PDE10A: variants seen among roughly 807,000 people sequenced by gnomAD.
PDE10A encodes phosphodiesterase 10A.
Under a neutral mutation model 97.7 loss-of-function variants are expected in PDE10A, and 39 were observed. The ratio of observed to expected loss-of-function variants is 0.40; its 90% CI spans 0.31 to 0.52. The LOEUF (loss-of-function observed/expected upper bound fraction) is 0.52, where lower values mean the gene tolerates loss of function less well. PDE10A is among the 20% of genes least tolerant of loss of function. PDE10A has a pLI of 0.56. For synonymous variants in PDE10A, 371 were observed against 376.8 expected (o/e 0.98, Z 0.18); for missense variants, 731 against 1,047.8 (o/e 0.70, Z 4.17).
intron 1 of PDE10A, among the ~76,000 whole-genome samples, chr6:165,845,649 C>T (rs985152652): frequency 6.6e-6 from 1 of 152,150 alleles, no homozygotes; most frequent in East Asian, 1.9e-4. Flanking sequence ...AAGCATAAAG[C>T]TTGCTTGTGG....
At chr6:165,435,475 CA>C in intron 5 of PDE10A, 98 bp from the exon 6 acceptor site, 1 of 1,020,586 alleles carries the variant, frequency 9.8e-7, no homozygotes, top group Non-Finnish European at 1.4e-6. Flanking sequence ...ATCTGTGAGC[CA>C]ATTAAAAGAA....
intron 1 of PDE10A, among the ~76,000 whole-genome samples, chr6:165,644,578 T>C (rs1016003198): frequency 4.6e-5 from 7 of 152,108 alleles, no homozygotes; most frequent in Non-Finnish European, 1.0e-4. Context: ...ATGTGTAGGA[T>C]CTCTTGAAAT....
chr6:165,603,266 C>T (rs1363621338), intron 1 of PDE10A, among the ~76,000 whole-genome samples: 1 of 152,176 alleles, frequency 6.6e-6, no homozygotes, highest in East Asian at 1.9e-4. Flanking sequence ...GAGACGTCTG[C>T]AGTTGTATCC....
intron 1 of PDE10A, among the ~76,000 whole-genome samples, chr6:165,892,549 C>T (rs1781833235): frequency 6.6e-6 from 1 of 152,194 alleles, no homozygotes; most frequent in African/African-American, 2.4e-5. Context: ...GCAGCCTCCC[C>T]AAGGCATGGG....
At chr6:165,403,157 T>C (rs1786805251) in intron 13 of PDE10A, among the ~76,000 whole-genome samples, 1 of 152,198 alleles carries the variant, frequency 6.6e-6, no homozygotes, top group Non-Finnish European at 1.5e-5. Flanking sequence ...GGAAAAGCAC[T>C]GGCCAGTGAC....
At chr6:165,645,545 T>A (rs1446033321) in intron 1 of PDE10A, among the ~76,000 whole-genome samples, 2 of 152,070 alleles carry the variant, frequency 1.3e-5, no homozygotes, top group Non-Finnish European at 2.9e-5. Flanking sequence ...AGTTGTTGAC[T>A]GAGATCTCCT....
chr6:165,815,641 T>A (rs941932707), intron 1 of PDE10A, among the ~76,000 whole-genome samples: 2 of 152,048 alleles, frequency 1.3e-5, no homozygotes, highest in African/African-American at 4.8e-5. Flanking sequence ...GGTGCTGAGG[T>A]CCTAGCAGTG....
At chr6:165,729,469 AAAT>A (rs979501603) in intron 1 of PDE10A, among the ~76,000 whole-genome samples, 2 of 152,200 alleles carry the variant, frequency 1.3e-5, no homozygotes, top group Non-Finnish European at 2.9e-5. Context: ...GACAGCAGTG[AAAT>A]AATAAATAAG....
chr6:165,372,568 G>T (rs558394118), intron 18 of PDE10A, among the ~76,000 whole-genome samples: 2 of 150,396 alleles, frequency 1.3e-5, no homozygotes, highest in East Asian at 3.9e-4. Context: ...ACTGCTCAAT[G>T]AAATAAAAGA....
chr6:165,564,962 T>G (rs1227431621), intron 1 of PDE10A, among the ~76,000 whole-genome samples: 1 of 152,138 alleles, frequency 6.6e-6, no homozygotes, highest in Non-Finnish European at 1.5e-5. Flanking sequence ...ATGGATTTTT[T>G]AAAAATAACT....
chr6:165,755,047 T>A (rs1793086135), intron 1 of PDE10A, among the ~76,000 whole-genome samples: 2 of 152,156 alleles, frequency 1.3e-5, no homozygotes, highest in African/African-American at 4.8e-5. Context: ...AAGCCTCAAG[T>A]ATTAAAATAG....
chr6:165,930,085 TATCACTCCA>T (rs1783082878), intron 1 of PDE10A, among the ~76,000 whole-genome samples: 1 of 139,468 alleles, frequency 7.2e-6, no homozygotes, highest in Non-Finnish European at 1.5e-5. Flanking sequence ...ACCAGGCACA[TATCACTCCA>T]GAAATGAGGG....
intron 1 of PDE10A, among the ~76,000 whole-genome samples, chr6:165,906,257 A>C (rs1782283606): frequency 6.6e-6 from 1 of 151,230 alleles, no homozygotes; most frequent in South Asian, 2.1e-4. Context: ...CCAAGGGCGC[A>C]GTGGAAAGGA....
At chr6:165,656,415 T>A (rs60267145) in intron 1 of PDE10A, among the ~76,000 whole-genome samples, 2 of 151,746 alleles carry the variant, frequency 1.3e-5, no homozygotes, top group African/African-American at 4.8e-5. Context: ...TTCATGTGCA[T>A]GGCCCCATCT....
chr6:165,465,251 G>C (rs1778568510), intron 3 of PDE10A, among the ~76,000 whole-genome samples: 1 of 152,218 alleles, frequency 6.6e-6, no homozygotes, highest in South Asian at 2.1e-4. Context: ...AAGGAAATCT[G>C]CGAGCTACAC....
chr6:165,668,904 TG>T (rs1790569355), intron 1 of PDE10A, among the ~76,000 whole-genome samples: 1 of 152,224 alleles, frequency 6.6e-6, no homozygotes, highest in Non-Finnish European at 1.5e-5. Flanking sequence ...CAATGCTTTT[TG>T]TCCCTGAGCT....
intron 19 of PDE10A, among the ~76,000 whole-genome samples, chr6:165,342,453 G>A (rs1782028677): frequency 6.6e-6 from 1 of 152,190 alleles, no homozygotes; most frequent in African/African-American, 2.4e-5. Flanking sequence ...AAATCATGCC[G>A]GGAGTATAAT....
At position 165,407,287 on chromosome 6, in the gene PDE10A, C is replaced by T. The variant is rs139353435; in HGVS notation, c.2076+6214G>A. Among the ~76,000 whole-genome samples the T allele has an allele frequency of 4.9e-4, 75 of 152,256 alleles. No individual in the cohort carries two copies. The East Asian group carries it at 0.012, about 25-fold the overall frequency. ...GTCAGAGAGAAGCCAGCACACTTAG[C>T]GAGCACGGGGACCAGTCTGCATGCA... On this transcript the variant is annotated intron_variant, in intron 13 of 21. Transcript: ENST00000539869.
At chr6:165,985,546 T>C (rs1348367926) in intron 1 of PDE10A, among the ~76,000 whole-genome samples, 2 of 151,774 alleles carry the variant, frequency 1.3e-5, no homozygotes, top group African/African-American at 4.8e-5. Flanking sequence ...CACAGGGCCC[T>C]GCCTGTGCAG....
Sources: gnomAD v4.1 joint callset for allele counts (sites outside exome capture counted in the v4.1 genomes callset) on GRCh38, gnomAD v4.1.1 for gene constraint, MANE v1.5 for transcripts, NCBI Gene and HGNC (gene_info 2026-07-23, HGNC 2026-07-21) for gene names.